FOXP2: variants seen among roughly 807,000 people sequenced by gnomAD.
FOXP2 encodes the protein forkhead box P2.
In FOXP2, 12 loss-of-function variants were observed where a neutral mutation model predicts 115.8. That is an observed-to-expected ratio of 0.10 (90% CI 0.07 to 0.17). The LOEUF (loss-of-function observed/expected upper bound fraction) is 0.17. Ranked by LOEUF, FOXP2 falls within the 10% of genes least tolerant of loss-of-function variation. The pLI, the probability that FOXP2 is intolerant of heterozygous loss-of-function variation, is 1.00. For missense variants in FOXP2, 629 were observed against 843.5 expected, an observed-to-expected ratio of 0.75 and a Z score of 3.15; for synonymous variants, 328 against 297.7, an observed-to-expected ratio of 1.10 and a Z score of -1.05.
intron 1 of FOXP2, among the ~76,000 whole-genome samples, chr7:114,169,276 C>T (rs542610050): frequency 2.0e-5 from 3 of 152,296 alleles, no homozygotes; most frequent in South Asian, 4.1e-4. Flanking sequence ...TGAAAGCAGC[C>T]GGGAGGGAGG....
chr7:114,141,849 A>C lies in FOXP2; in HGVS notation c.-246-21095A>C, dbSNP rs532124585. Among the ~76,000 whole-genome samples, 58 of 152,314 alleles carry C rather than the reference A, an allele frequency of 3.8e-4. No individual in the cohort carries two copies. In the South Asian group the frequency reaches 0.012, roughly 31 times the overall value. On this transcript the variant is annotated intron_variant, in intron 1 of 19. Coordinates refer to the FOXP2 transcript ENST00000635638. ...ATAACGGACTACTCTACTGTGGATT[A>C]AATTACAGAATTTTAATAAAATTTG...
At chr7:114,258,923 G>A (rs552654037) in intron 1 of FOXP2, among the ~76,000 whole-genome samples, 57 of 152,248 alleles carry the variant, frequency 3.7e-4, no homozygotes, top group African/African-American at 1.3e-3. Flanking sequence ...TTAGCATCTC[G>A]ATTTCCTATG....
chr7:114,219,795 A>G (rs770172259), intron 1 of FOXP2, among the ~76,000 whole-genome samples: 2 of 151,510 alleles, frequency 1.3e-5, no homozygotes, highest in Admixed American at 6.6e-5. Flanking sequence ...GGATCATTAC[A>G]TTGTAACCAT....
intron 3 of FOXP2, among the ~76,000 whole-genome samples, chr7:114,546,707 T>C (rs181958731): frequency 6.6e-6 from 1 of 152,316 alleles, no homozygotes; most frequent in East Asian, 1.9e-4. Context: ...CACAAGTGAA[T>C]ATCCAGAATT....
chr7:114,263,806 T>C (rs1448192708), intron 1 of FOXP2, among the ~76,000 whole-genome samples: 1 of 151,672 alleles, frequency 6.6e-6, no homozygotes, highest in African/African-American at 2.4e-5. Flanking sequence ...ATAACAGTTA[T>C]ACTGGTATAC....
Position 114,201,212 on chromosome 7 carries a change from T to G in FOXP2, c.-102+38124T>G, listed in dbSNP as rs558778349. On this transcript the variant is annotated intron_variant, in intron 1 of 17. Transcript: ENST00000634411. ...TTGGCTGGGCATGCTGGCTCACACC[T>G]GTAATCCCAACACTTTGGAAAGCCA... Among the ~76,000 whole-genome samples, 27 of 152,224 alleles carry G rather than the reference T, an allele frequency of 1.8e-4. No individual in the cohort carries two copies. In the East Asian group the frequency reaches 5.2e-3, roughly 29 times the overall value.
chr7:114,090,395 A>G (rs948250397), intron 1 of FOXP2, among the ~76,000 whole-genome samples: 6 of 151,880 alleles, frequency 4.0e-5, no homozygotes, highest in Non-Finnish European at 8.9e-5. Flanking sequence ...TGGACCCAAA[A>G]TGTTCTAACC....
chr7:114,093,298 T>C (rs944707565), intron 1 of FOXP2, among the ~76,000 whole-genome samples: 1 of 152,208 alleles, frequency 6.6e-6, no homozygotes, highest in African/African-American at 2.4e-5. Context: ...CATATCCTTG[T>C]TAGAGAAGCC....
chr7:114,215,445 C>G lies in FOXP2; in HGVS notation c.-102+52357C>G, dbSNP rs17136853. 5.3e-3 allele frequency among the ~76,000 whole-genome samples: 805 copies of G among 152,048 alleles called. 9 individuals are homozygous for G. Among genetic ancestry groups the G allele is most frequent in the African/African-American group, 0.018 (730 of 41,508 alleles). ...TGTATGCCAGATTACTAGGTTCAAC[C>G]ATAAGAAAATTTCTGTTTTTTAAGT... On this transcript the variant is annotated intron_variant, in intron 1 of 17. Transcript: ENST00000634411.
Position 114,659,804 on chromosome 7 carries a change from A to C in FOXP2, c.1647+131A>C, listed in dbSNP as rs1312794154. The C allele has an allele frequency of 9.4e-6, 7 of 741,606 alleles. No individual in the cohort carries two copies. The East Asian group carries it at 1.6e-4, about 17-fold the overall frequency. 45.9% of individuals were successfully genotyped at this position (741,606 alleles called of 1,614,324 possible). On this transcript the variant is annotated intron_variant, in intron 13 of 16. Coordinates refer to ENST00000350908, the MANE Select transcript of FOXP2 (RefSeq NM_014491.4). ...CTTTTTAACCTGCCTCTTGAATGGAATGAATTCCCTCTCTCAAAATGACAA... is the reference window on the plus strand; with the variant it reads ...CTTTTTAACCTGCCTCTTGAATGGACTGAATTCCCTCTCTCAAAATGACAA...
intron 2 of FOXP2, among the ~76,000 whole-genome samples, chr7:114,484,622 T>C (rs533756528): frequency 6.6e-6 from 1 of 152,070 alleles, no homozygotes; most frequent in Admixed American, 6.6e-5. Flanking sequence ...AATGGTCATT[T>C]ATTCTAAAAT....
At chr7:114,462,101 G>A (rs1012721130) in intron 2 of FOXP2, among the ~76,000 whole-genome samples, 1 of 151,130 alleles carries the variant, frequency 6.6e-6, no homozygotes, top group Admixed American at 6.6e-5. Flanking sequence ...CCAACATGGC[G>A]AAGCCCCCGT....
In FOXP2 at chr7:114,544,347, C is replaced by A. The variant is rs1212492435; in HGVS notation, c.258+9641C>A. 2.0e-5 allele frequency among the ~76,000 whole-genome samples: 3 copies of A among 149,732 alleles called. No individual in the cohort carries two copies. In the East Asian group the frequency reaches 6.1e-4, roughly 30 times the overall value. ...CCAGTTAGAGAGCCTCTGTCTAAAT[C>A]CAGTTAAAGGTCTTGAATCACATCA... is the stretch of plus-strand genomic sequence containing the variant. On this transcript the variant is annotated intron_variant, in intron 3 of 16. Coordinates refer to ENST00000350908, the MANE Select transcript of FOXP2 (RefSeq NM_014491.4).
chr7:114,503,759 A>G (rs1417814194), intron 2 of FOXP2, among the ~76,000 whole-genome samples: 1 of 151,118 alleles, frequency 6.6e-6, no homozygotes, highest in African/African-American at 2.4e-5. Flanking sequence ...ATATTATTTT[A>G]TTCTTCTGAT....
intron 3 of FOXP2, among the ~76,000 whole-genome samples, chr7:114,609,198 G>C (rs1310886620): frequency 6.7e-6 from 1 of 150,212 alleles, no homozygotes; most frequent in African/African-American, 2.5e-5. Context: ...GGATGACAGA[G>C]TGGGACTCTG....
chr7:114,369,159 T>C (rs557431337), intron 2 of FOXP2, among the ~76,000 whole-genome samples: 1 of 152,310 alleles, frequency 6.6e-6, no homozygotes, highest in Admixed American at 6.5e-5. Flanking sequence ...ATAAGTGTTA[T>C]AAGAGGATTC....
Position 114,301,099 on chromosome 7 carries a change from C to T in FOXP2, c.-11+12990C>T, listed in dbSNP as rs371532039. Among the ~76,000 whole-genome samples, 11 of 151,974 alleles carry T rather than the reference C, an allele frequency of 7.2e-5. No homozygotes were observed. The East Asian group carries it at 1.7e-3, about 24-fold the overall frequency. On this transcript the variant is annotated intron_variant, in intron 2 of 17. Transcript: ENST00000634411. Reference sequence around the variant, plus strand: ...TTAGAATTTATATTCCCTATCTTAACGAAATAGTCATATAAATGCCCTACT... The same window carrying T: ...TTAGAATTTATATTCCCTATCTTAATGAAATAGTCATATAAATGCCCTACT...
At chr7:114,157,862 G>A (rs1431738186) in intron 1 of FOXP2, among the ~76,000 whole-genome samples, 1 of 152,088 alleles carries the variant, frequency 6.6e-6, no homozygotes, top group African/African-American at 2.4e-5. Flanking sequence ...ATTTGAAATT[G>A]TTATTGGAGT....
intron 1 of FOXP2, among the ~76,000 whole-genome samples, chr7:114,131,548 G>C (rs1791878090): frequency 6.6e-6 from 1 of 150,504 alleles, no homozygotes; most frequent in African/African-American, 2.4e-5. Context: ...CTGCTGCAAG[G>C]AATGTGCAAA....
Sources: allele counts gnomAD v4.1 joint callset (sites outside exome capture counted in the v4.1 genomes callset), GRCh38; gene constraint gnomAD v4.1.1; transcripts MANE v1.5; gene names NCBI Gene and HGNC (gene_info 2026-07-23, HGNC 2026-07-21).